Variants in SLC4A7 observed in about 807,000 individuals in gnomAD.
The protein encoded by SLC4A7 is solute carrier family 4 member 7, also known as sodium bicarbonate cotransporter 3.
A neutral mutation model predicts 137.6 loss-of-function variants in SLC4A7; 51 were observed. That is an observed-to-expected ratio of 0.37 (90% CI 0.30 to 0.47). The LOEUF is 0.47. SLC4A7 is among the 20% of genes least tolerant of loss of function. The probability of loss-of-function intolerance (pLI) is 1.00; values close to 1 mark genes in which losing one functional copy is unlikely to be tolerated. For missense variants in SLC4A7, 1,247 were observed against 1,525.4 expected (o/e 0.82, Z 3.04); for synonymous variants, 542 against 518.6 (o/e 1.05, Z -0.61).
chr3:27,483,229 G>A (rs777697256), intron 1 of SLC4A7, among the ~76,000 whole-genome samples: 1 of 152,250 alleles, frequency 6.6e-6, no homozygotes, highest in Non-Finnish European at 1.5e-5. Flanking sequence ...TCCGCTTCTT[G>A]AGCATGGGCC....
chr3:27,419,988 A>C (rs1472765436), intron 10 of SLC4A7, among the ~76,000 whole-genome samples: 1 of 151,916 alleles, frequency 6.6e-6, no homozygotes, highest in Non-Finnish European at 1.5e-5. Flanking sequence ...GGAGATTGAG[A>C]CCATCCTGGC....
chr3:27,448,802 T>C lies in SLC4A7; in HGVS notation c.143-5A>G, dbSNP rs1559797602. On this transcript the variant is annotated splice_polypyrimidine_tract_variant and splice_region_variant and intron_variant, in intron 2 of 25. Coordinates refer to ENST00000454389, the MANE Select transcript of SLC4A7 (RefSeq NM_001321103.2). ...CAATATATACAGCTCTATGACCTAT[T>C]AAAAGGTTCAGAAACATATTACTAG... 2 of 1,570,950 alleles carry C rather than the reference T, an allele frequency of 1.3e-6. No individual in the cohort carries two copies.
intron 18 of SLC4A7, among the ~76,000 whole-genome samples, chr3:27,395,381 G>A (rs1017135201): frequency 3.9e-5 from 6 of 152,122 alleles, no homozygotes; most frequent in African/African-American, 1.4e-4. Context: ...ATGACCCTGT[G>A]ACTTACTTTA....
chr3:27,437,455 G>C lies in SLC4A7; in HGVS notation c.361C>G (p.Leu121Val), dbSNP rs765002018. ...DDDEEHIPHD[L>V]FTEMDELCYR... Reference sequence around the variant, plus strand: ...CACAGTTCATCCATTTCCGTGAAGAGATCATGGGGAATATGTTCTTCATCA... The same window carrying C: ...CACAGTTCATCCATTTCCGTGAAGACATCATGGGGAATATGTTCTTCATCA... The change falls in exon 4 of 26, where the codon CTC becomes GTC. Residue 121 changes from leucine to valine, a missense_variant. Leu to Val is a conservative substitution (Grantham distance 32, BLOSUM62 1). Coordinates refer to ENST00000454389, the MANE Select transcript of SLC4A7 (RefSeq NM_001321103.2). 2 of 1,598,186 alleles carry C rather than the reference G, an allele frequency of 1.3e-6. No homozygotes were observed. Among genetic ancestry groups the C allele is most frequent in the African/African-American group, 1.3e-5 (1 of 74,170 alleles).
chr3:27,438,363 G>T (rs1452282795), intron 3 of SLC4A7, among the ~76,000 whole-genome samples: 1 of 151,606 alleles, frequency 6.6e-6, no homozygotes, highest in East Asian at 1.9e-4. Context: ...AAATTAGCCA[G>T]GCATGGTGGT....
intron 24 of SLC4A7, among the ~76,000 whole-genome samples, chr3:27,381,915 C>T (rs1050672113): frequency 1.3e-5 from 2 of 151,940 alleles, no homozygotes; most frequent in Non-Finnish European, 2.9e-5. Context: ...ATGGTGAAAC[C>T]CCATCTCTAC....
chr3:27,436,157 AT>A (rs879789218), intron 5 of SLC4A7, among the ~76,000 whole-genome samples: 1 of 152,174 alleles, frequency 6.6e-6, no homozygotes, highest in Non-Finnish European at 1.5e-5. Context: ...TCTTTTCTGA[AT>A]TTCCACAGAA....
At chr3:27,434,514 T>C (rs1401898237) in intron 5 of SLC4A7, among the ~76,000 whole-genome samples, 1 of 152,208 alleles carries the variant, frequency 6.6e-6, no homozygotes, top group African/African-American at 2.4e-5. Context: ...AGTCATTAAC[T>C]ATTCACTGAG....
chr3:27,424,112 G>A lies in SLC4A7; in HGVS notation c.1191C>T (p.Asp397=). 6.2e-7 allele frequency: 1 copy of A among 1,610,418 alleles called. No homozygotes were observed. The highest frequency in any genetic ancestry group is 8.5e-7 in the Non-Finnish European group (1 of 1,178,114). ...ASPQSAPGNL[D]NSKSGEIKGN... Reference sequence around the variant, plus strand: ...CTTTAATTTCTCCACTTTTACTATTGTCCAAGTTTCCAGGAGCAGACTGGG... The same window carrying A: ...CTTTAATTTCTCCACTTTTACTATTATCCAAGTTTCCAGGAGCAGACTGGG... The change falls in exon 8 of 26, where the codon GAC becomes GAT. Residue 397 remains aspartate, a synonymous_variant. Coordinates refer to ENST00000454389, the MANE Select transcript of SLC4A7 (RefSeq NM_001321103.2).
At chr3:27,427,137 C>T (rs1335026922) in intron 7 of SLC4A7, among the ~76,000 whole-genome samples, 2 of 152,100 alleles carry the variant, frequency 1.3e-5, no homozygotes, top group Non-Finnish European at 2.9e-5. Context: ...TGTCACAACT[C>T]GGGGGTGCTG....
At chr3:27,482,544 G>T (rs944343166) in intron 1 of SLC4A7, among the ~76,000 whole-genome samples, 1 of 152,308 alleles carries the variant, frequency 6.6e-6, no homozygotes, top group African/African-American at 2.4e-5. Context: ...GCCGAGGCGG[G>T]TGGATTGCCT....
chr3:27,416,668 G>A (rs1459730624), intron 11 of SLC4A7, among the ~76,000 whole-genome samples: 1 of 152,030 alleles, frequency 6.6e-6, no homozygotes, highest in Non-Finnish European at 1.5e-5. Flanking sequence ...TATTGTTCAA[G>A]GGTCAACTGT....
At chr3:27,409,251 T>G (rs564629968) in intron 13 of SLC4A7, 105 bp downstream of exon 13, 1 of 858,058 alleles carries the variant, frequency 1.2e-6, no homozygotes, top group African/African-American at 1.7e-5. Flanking sequence ...TTAATCATGC[T>G]GTGGGTAGAC....
In SLC4A7 at chr3:27,374,412, A is replaced by C. The variant is rs1264903561; in HGVS notation, c.*2352T>G. On this transcript the variant is annotated 3_prime_UTR_variant, in exon 26 of 26. Coordinates refer to ENST00000454389, the MANE Select transcript of SLC4A7 (RefSeq NM_001321103.2). ...TTTAAGGCAACTTTATTTAAAAATC[A>C]ATATATGTAGTAAATTATATCTGTC... 1 of 152,556 alleles carries C rather than the reference A, an allele frequency of 6.6e-6. No homozygotes were observed. Among genetic ancestry groups the C allele is most frequent in the Non-Finnish European group, 1.5e-5 (1 of 67,950 alleles). 9.5% of individuals were successfully genotyped at this position (152,556 alleles called of 1,614,324 possible). A position where few individuals can be genotyped will look rare whatever the true frequency, so the allele number is the denominator to read the frequency against.
intron 1 of SLC4A7, among the ~76,000 whole-genome samples, chr3:27,461,259 G>A (rs2058681284): frequency 6.6e-6 from 1 of 151,770 alleles, no homozygotes; most frequent in Non-Finnish European, 1.5e-5. Flanking sequence ...TTGGCCAGGC[G>A]TGGTGGCTCA....
At chr3:27,464,456 C>G (rs1250481377) in intron 1 of SLC4A7, among the ~76,000 whole-genome samples, 1 of 152,158 alleles carries the variant, frequency 6.6e-6, no homozygotes, top group Non-Finnish European at 1.5e-5. Context: ...GCCAGTAATC[C>G]CAGCACTTTG....
At chr3:27,426,390 C>A (rs768134333) in intron 7 of SLC4A7, among the ~76,000 whole-genome samples, 1 of 152,166 alleles carries the variant, frequency 6.6e-6, no homozygotes, top group Non-Finnish European at 1.5e-5. Context: ...AAAAAGTTAA[C>A]CAGTGTTTTT....
At chr3:27,451,019 C>T (rs1022328457) in intron 2 of SLC4A7, among the ~76,000 whole-genome samples, 8 of 151,904 alleles carry the variant, frequency 5.3e-5, no homozygotes, top group Non-Finnish European at 1.5e-5. Context: ...AAAATTACCG[C>T]TAAAAATTTT....
At chr3:27,379,665 A>C (rs1466267340) in intron 24 of SLC4A7, among the ~76,000 whole-genome samples, 1 of 152,196 alleles carries the variant, frequency 6.6e-6, no homozygotes, top group Non-Finnish European at 1.5e-5. Flanking sequence ...GGCTGAAAAT[A>C]TGTTACTGAA....
Sources: gnomAD v4.1 joint callset for allele counts (sites outside exome capture counted in the v4.1 genomes callset) on GRCh38, gnomAD v4.1.1 for gene constraint, MANE v1.5 for transcripts, NCBI Gene and HGNC (gene_info 2026-07-23, HGNC 2026-07-21) for gene names.